SCUBE1: variants seen among roughly 807,000 people sequenced by gnomAD.
SCUBE1 encodes signal peptide, CUB and EGF-like domain-containing protein 1.
SCUBE1 carries 59 observed loss-of-function variants against 124.4 expected under a neutral mutation model. The ratio of observed to expected loss-of-function variants is 0.47; its 90% CI spans 0.38 to 0.59. The LOEUF (loss-of-function observed/expected upper bound fraction) is 0.59. Ranked by LOEUF, SCUBE1 falls within the 20% of genes least tolerant of loss-of-function variation. The pLI, the probability that SCUBE1 is intolerant of heterozygous loss-of-function variation, is 0.00. For synonymous variants in SCUBE1, 545 were observed against 550.9 expected (o/e 0.99, Z 0.15); for missense variants, 1,150 against 1,371.2 (o/e 0.84, Z 2.55).
intron 3 of SCUBE1, among the ~76,000 whole-genome samples, chr22:43,306,004 C>T (rs1475774865): frequency 2.0e-5 from 3 of 152,208 alleles, no homozygotes; most frequent in Non-Finnish European, 4.4e-5. Flanking sequence ...ACAGGCCTGG[C>T]TAATGGCCAC....
chr22:43,298,893 A>C (rs1026119166), intron 3 of SCUBE1, among the ~76,000 whole-genome samples: 11 of 152,240 alleles, frequency 7.2e-5, no homozygotes, highest in African/African-American at 2.4e-4. Flanking sequence ...TCTACTAAAA[A>C]TACAAAAAAT....
chr22:43,264,188 A>T (rs1037183855), intron 4 of SCUBE1, among the ~76,000 whole-genome samples: 2 of 152,220 alleles, frequency 1.3e-5, no homozygotes, highest in Non-Finnish European at 2.9e-5. Context: ...TCCCTTTCTT[A>T]GAAAGGTCGT....
intron 7 of SCUBE1, chr22:43,232,130 C>T (rs1346155284): frequency 3.9e-6 from 2 of 509,092 alleles, no homozygotes; most frequent in African/African-American, 1.9e-5. Context: ...ACTTGGCAAG[C>T]CTGGGATGTG....
intron 9 of SCUBE1, among the ~76,000 whole-genome samples, 199 bp from the exon 10 acceptor site, chr22:43,227,695 C>T (rs956346798): frequency 1.3e-5 from 2 of 152,158 alleles, no homozygotes; most frequent in African/African-American, 4.8e-5. Flanking sequence ...ACCCCAGCGT[C>T]CCTTCCCCCA....
chr22:43,293,720 G>A (rs539762772), intron 3 of SCUBE1, among the ~76,000 whole-genome samples: 4 of 152,352 alleles, frequency 2.6e-5, no homozygotes, highest in South Asian at 4.1e-4. Context: ...CTCATGTCAC[G>A]GTTGTTACCT....
intron 3 of SCUBE1, among the ~76,000 whole-genome samples, chr22:43,305,155 G>A (rs939750887): frequency 2.0e-5 from 3 of 152,262 alleles, no homozygotes; most frequent in African/African-American, 7.2e-5. Flanking sequence ...GAGGAGAAGC[G>A]GCACATAAAC....
At chr22:43,216,992 CCCGCCAGG>C in intron 15 of SCUBE1, among the ~76,000 whole-genome samples, 1 of 119,652 alleles carries the variant, frequency 8.4e-6, no homozygotes, top group Non-Finnish European at 1.7e-5. Context: ...TTCCCCCCAC[CCCGCCAGG>C]TGTCACCTCT....
At chr22:43,225,638 G>C (rs1250705933) in intron 10 of SCUBE1, among the ~76,000 whole-genome samples, 1 of 151,524 alleles carries the variant, frequency 6.6e-6, no homozygotes, top group Non-Finnish European at 1.5e-5. Flanking sequence ...AGGTGATCTG[G>C]TGATCTGCCC....
At chr22:43,341,856 G>A (rs1569039342) in intron 1 of SCUBE1, among the ~76,000 whole-genome samples, 2 of 152,096 alleles carry the variant, frequency 1.3e-5, no homozygotes, top group South Asian at 2.1e-4. Context: ...GGTCGTGGAG[G>A]AGACAGAGTC....
At chr22:43,304,039 C>T (rs546195010) in intron 3 of SCUBE1, among the ~76,000 whole-genome samples, 4 of 152,322 alleles carry the variant, frequency 2.6e-5, no homozygotes, top group Admixed American at 6.5e-5. Context: ...CCGTGAAGGA[C>T]GCAGCTGGGC....
intron 7 of SCUBE1, chr22:43,232,528 G>A (rs1266750392): frequency 6.5e-6 from 1 of 152,852 alleles, no homozygotes; most frequent in Non-Finnish European, 1.5e-5. Flanking sequence ...GGTAAGTGGG[G>A]AGCTGGGCTA....
rs755197475 is a variant in SCUBE1, at chr22:43,202,327, C to A, written c.*1670G>T. On this transcript the variant is annotated 3_prime_UTR_variant, in exon 22 of 22. Coordinates refer to ENST00000360835, the MANE Select transcript of SCUBE1 (RefSeq NM_173050.5). Reference sequence around the variant, plus strand: ...TGTTTCTCGCCAGCCAGGCTGGGCCCGGGGGTGACCAGGAGGAACCCTAGA... The same window carrying A: ...TGTTTCTCGCCAGCCAGGCTGGGCCAGGGGGTGACCAGGAGGAACCCTAGA... 6.6e-6 allele frequency: 1 copy of A among 152,304 alleles called. No individual in the cohort carries two copies. Among genetic ancestry groups the A allele is most frequent in the South Asian group, 2.1e-4 (1 of 4,824 alleles). 9.4% of individuals were successfully genotyped at this position (152,304 alleles called of 1,614,324 possible). A position where few individuals can be genotyped will look rare whatever the true frequency, so the allele number is the denominator to read the frequency against.
intron 3 of SCUBE1, among the ~76,000 whole-genome samples, chr22:43,308,628 G>A (rs1013586900): frequency 1.2e-4 from 19 of 152,232 alleles, no homozygotes; most frequent in African/African-American, 4.1e-4. Flanking sequence ...GATGGCGCAG[G>A]CCCTTTCATC....
At chr22:43,260,040 G>C (rs1045226907) in intron 5 of SCUBE1, among the ~76,000 whole-genome samples, 1 of 151,962 alleles carries the variant, frequency 6.6e-6, no homozygotes, top group Non-Finnish European at 1.5e-5. Flanking sequence ...TCAGGCGATG[G>C]GGAGAGACCC....
intron 16 of SCUBE1, 44 bp downstream of exon 16, chr22:43,214,046 C>CCCG: frequency 7.1e-6 from 3 of 422,700 alleles, no homozygotes; most frequent in Non-Finnish European, 1.2e-5. Flanking sequence ...GAGGAGCCCC[C>CCCG]GCCCACCCCC....
At chr22:43,309,225 C>T (rs1926087877) in intron 3 of SCUBE1, among the ~76,000 whole-genome samples, 1 of 152,358 alleles carries the variant, frequency 6.6e-6, no homozygotes, top group South Asian at 2.1e-4. Flanking sequence ...CTGTTGAGAC[C>T]TTGCCCTGTG....
At chr22:43,285,653 G>A (rs776107683) in intron 4 of SCUBE1, among the ~76,000 whole-genome samples, 3 of 152,172 alleles carry the variant, frequency 2.0e-5, no homozygotes, top group African/African-American at 4.8e-5. Flanking sequence ...GACTAAGTGC[G>A]GGAGCTGTCA....
intron 6 of SCUBE1, 78 bp from the exon 7 acceptor site, chr22:43,239,032 C>G: frequency 8.5e-7 from 1 of 1,176,612 alleles, no homozygotes; most frequent in Non-Finnish European, 1.3e-6. Context: ...GAAAGATCTT[C>G]TATGAGACAG....
Position 43,284,239 on chromosome 22 carries a change from C to T in SCUBE1, c.484+6807G>A, listed in dbSNP as rs560460033. 6.6e-5 allele frequency among the ~76,000 whole-genome samples: 10 copies of T among 152,322 alleles called. No homozygotes were observed. In the East Asian group the frequency reaches 1.5e-3, roughly 23 times the overall value. On this transcript the variant is annotated intron_variant, in intron 4 of 21. Transcript: ENST00000360835. ...AACATTAGCAACCATTTTCTGTCTC[C>T]GTAACTGAGTTCATAACAAGAATCC...
Sources: allele counts gnomAD v4.1 joint callset (sites outside exome capture counted in the v4.1 genomes callset), GRCh38; gene constraint gnomAD v4.1.1; transcripts MANE v1.5; gene names NCBI Gene and HGNC (gene_info 2026-07-23, HGNC 2026-07-21).